Variants in TRPV5 observed in about 807,000 individuals in gnomAD.
TRPV5 encodes the protein calcium transport protein 2.
In TRPV5, 66 loss-of-function variants were observed where a neutral mutation model predicts 74.1. The observed-to-expected ratio is 0.89, with a 90% CI of 0.73 to 1.09. The LOEUF (loss-of-function observed/expected upper bound fraction) is 1.09, where lower values mean the gene tolerates loss of function less well. Ranked by LOEUF, TRPV5 falls within the 50% of genes least tolerant of loss-of-function variation. The probability of loss-of-function intolerance (pLI) is 0.00; values close to 1 mark genes in which losing one functional copy is unlikely to be tolerated. For synonymous variants in TRPV5, 399 were observed against 360.7 expected (o/e 1.11, Z -1.20); for missense variants, 936 against 930.4 (o/e 1.01, Z -0.08).
chr7:142,928,369 C>T, intron 6 of TRPV5, 135 bp from the exon 7 acceptor site: 1 of 983,296 alleles, frequency 1.0e-6, no homozygotes, highest in Non-Finnish European at 1.5e-6. Context: ...TCTGCATCTA[C>T]AAGCTTTCCC....
In TRPV5 at chr7:142,929,054, T is replaced by C. The variant is rs1424328661; in HGVS notation, c.554A>G (p.His185Arg). 1.2e-6 allele frequency: 2 copies of C among 1,613,980 alleles called. No homozygotes were observed. Among genetic ancestry groups the C allele is most frequent in the Non-Finnish European group, 1.7e-6 (2 of 1,180,012 alleles). ...GTCCTGGGCCCTGATGTCAGCTCCA[T>C]GCTCAATGAGCAGCCGCACGATCTC... Reference protein sequence around the residue: ...SEEIVRLLIEHGADIRAQDSL... With the variant: ...SEEIVRLLIERGADIRAQDSL... Residue 185 changes from histidine (H) to arginine (R), a missense_variant, in exon 5 of 15, where the codon CAT becomes CGT. Coordinates refer to ENST00000265310, the MANE Select transcript of TRPV5 (RefSeq NM_019841.7).
In TRPV5 at chr7:142,908,652, T is replaced by C. The variant is rs1457462023; in HGVS notation, c.2052A>G (p.Pro684=). 2 of 1,614,180 alleles carry C rather than the reference T, an allele frequency of 1.2e-6. No individual in the cohort carries two copies. Among genetic ancestry groups the C allele is most frequent in the East Asian group, 2.2e-5 (1 of 44,864 alleles). The change falls in exon 15 of 15, where the codon CCA becomes CCG. Residue 684 remains proline, a synonymous_variant. Coordinates refer to ENST00000265310, the MANE Select transcript of TRPV5 (RefSeq NM_019841.7). ...GTLARASLAL[P]TSSLSRTASQ... is the part of the protein sequence containing the mutation. Reference sequence around the variant, plus strand: ...ACGCGGTCCGGGACAGGGAGGAAGTTGGAAGAGCCAAAGAGGCTCTGGCTA... The same window carrying C: ...ACGCGGTCCGGGACAGGGAGGAAGTCGGAAGAGCCAAAGAGGCTCTGGCTA...
Position 142,908,738 on chromosome 7 carries a change from T to C in TRPV5, c.1966A>G (p.Lys656Glu), listed in dbSNP as rs1418121081. 2 of 1,614,140 alleles carry C rather than the reference T, an allele frequency of 1.2e-6. No individual in the cohort carries two copies. Among genetic ancestry groups the C allele is most frequent in the Non-Finnish European group, 1.7e-6 (2 of 1,180,036 alleles). The change falls in exon 15 of 15, where the codon AAG (lysine) becomes GAG (glutamate). Residue 656 changes from lysine to glutamate, a missense_variant. Lys to Glu is a moderately conservative substitution (Grantham distance 56). Coordinates refer to ENST00000265310, the MANE Select transcript of TRPV5 (RefSeq NM_019841.7). ...GATGGATGCTCCTGGTCATCCTCCT[T>C]GTCTGAGTTCTTGAACACTTCCACA... ...RYVEVFKNSD[K>E]EDDQEHPSEK...
intron 8 of TRPV5, among the ~76,000 whole-genome samples, chr7:142,924,294 A>G (rs890628266): frequency 1.3e-4 from 10 of 76,264 alleles, no homozygotes; most frequent in Non-Finnish European, 2.8e-4. Context: ...ATACATGTAT[A>G]TATATACATA....
chr7:142,929,448 G>A lies in TRPV5; in HGVS notation c.467C>T (p.Pro156Leu), dbSNP rs146027584. The change falls in exon 4 of 15, where the codon CCC (proline) becomes CTC (leucine). Residue 156 changes from proline to leucine, a missense_variant. By Grantham distance (98) the Pro-to-Leu change is moderately conservative (BLOSUM62 -3). Coordinates refer to ENST00000265310, the MANE Select transcript of TRPV5 (RefSeq NM_019841.7). ...CTCACCAAAGTAGATGAGGTTGCGG[G>A]GACTATGGCGGAAGGCAGTGCCTGT... is the stretch of plus-strand genomic sequence containing the variant. ...RATGTAFRHS[P>L]RNLIYFGEHP... The A allele has an allele frequency of 2.5e-5, 41 of 1,614,116 alleles. No homozygotes were observed. Among genetic ancestry groups the A allele is most frequent in the African/African-American group, 1.9e-4 (14 of 75,028 alleles).
rs371097081 is a variant in TRPV5, at chr7:142,908,506, G to A, written c.*8C>T. On this transcript the variant is annotated 3_prime_UTR_variant, in exon 15 of 15. Transcript: ENST00000265310. ...CGGGAGTAAGGTCAAGAGTGATAGC[G>A]ATGTTAATCAAAAATGGTAGACCTC... 9.9e-6 allele frequency: 16 copies of A among 1,613,508 alleles called. No individual in the cohort carries two copies. The highest frequency in any genetic ancestry group is 6.7e-5 in the African/African-American group (5 of 74,918).
At position 142,933,574 on chromosome 7, in the gene TRPV5, T is replaced by C; in HGVS notation, c.-115A>G. ...ATTTGGGGCTGGGACTCTGAGTTTA[T>C]CTCCTGTATGACTTGTGTATGCAGC... On this transcript the variant is annotated 5_prime_UTR_variant, in exon 1 of 15. Coordinates refer to ENST00000265310, the MANE Select transcript of TRPV5 (RefSeq NM_019841.7). 2.1e-6 allele frequency: 3 copies of C among 1,407,666 alleles called. No homozygotes were observed. Among genetic ancestry groups the C allele is most frequent in the South Asian group, 1.4e-5 (1 of 73,876 alleles). The allele number at this position is 1,407,666 out of a possible 1,614,324, so 87.2% of individuals were successfully genotyped here.
chr7:142,918,197 T>G (rs1453722626), intron 8 of TRPV5, among the ~76,000 whole-genome samples: 1 of 152,248 alleles, frequency 6.6e-6, no homozygotes, highest in East Asian at 1.9e-4. Flanking sequence ...TTTAAAAATT[T>G]TATTCTTTGG....
rs897837829 is a variant in TRPV5 at position 142,912,744 on chromosome 7, T to C, written c.1526A>G (p.Tyr509Cys). ...VVILGFASAF[Y>C]IIFQTEDPTS... is the part of the protein sequence containing the mutation. ...TGGGTCCTCTGTCTGGAAAATGATA[T>C]AGAACGCTGCTCCGCCCAGGAAGAG... The change falls in exon 13 of 15, where the codon TAT becomes TGT. Residue 509 changes from tyrosine to cysteine, a missense_variant. Transcript: ENST00000265310. The C allele has an allele frequency of 2.5e-6, 4 of 1,613,522 alleles. No homozygotes were observed. The highest frequency in any genetic ancestry group is 4.5e-5 in the East Asian group (2 of 44,878).
In TRPV5 at chr7:142,930,346, C is replaced by T. The variant is rs1205206442; in HGVS notation, c.226+3G>A. 2 of 1,613,892 alleles carry T rather than the reference C, an allele frequency of 1.2e-6. No homozygotes were observed. Among genetic ancestry groups the T allele is most frequent in the Admixed American group, 1.7e-5 (1 of 60,008 alleles). ...CCTCCATCCCATTAAATCCAGATCC[C>T]ACCTCTTTGTCGAACGTCACAGGTG... On this transcript the variant is annotated splice_donor_region_variant and intron_variant, in intron 2 of 14. Coordinates refer to ENST00000265310, the MANE Select transcript of TRPV5 (RefSeq NM_019841.7).
At chr7:142,931,345 G>T (rs4252394) in intron 1 of TRPV5, among the ~76,000 whole-genome samples, 2 of 152,060 alleles carry the variant, frequency 1.3e-5, no homozygotes, top group South Asian at 2.1e-4. Flanking sequence ...GTCCCTGCAG[G>T]GGGTGGAGAG....
chr7:142,930,822 G>A (rs1203898043), intron 1 of TRPV5, among the ~76,000 whole-genome samples: 1 of 152,164 alleles, frequency 6.6e-6, no homozygotes, highest in East Asian at 1.9e-4. Flanking sequence ...GATAGTTGGA[G>A]AGCGGGACAG....
intron 12 of TRPV5, 86 bp downstream of exon 12, chr7:142,914,554 C>G: frequency 8.7e-7 from 1 of 1,152,786 alleles, no homozygotes; most frequent in South Asian, 1.4e-5. Flanking sequence ...AAATGAAGTG[C>G]AAATGAGAAC....
rs1164923497 is a variant in TRPV5 at position 142,908,740 on chromosome 7, T to A, written c.1964A>T (p.Asp655Val). 2 of 1,614,040 alleles carry A rather than the reference T, an allele frequency of 1.2e-6. No homozygotes were observed. Among genetic ancestry groups the A allele is most frequent in the African/African-American group, 2.7e-5 (2 of 74,928 alleles). Residue 655 changes from aspartate to valine, a missense_variant, in exon 15 of 15, where the codon GAC becomes GTC. By Grantham distance (152) the Asp-to-Val change is radical. Coordinates refer to ENST00000265310, the MANE Select transcript of TRPV5 (RefSeq NM_019841.7). The stretch of plus-strand genomic sequence containing the variant: ...TGGATGCTCCTGGTCATCCTCCTTG[T>A]CTGAGTTCTTGAACACTTCCACATA... ...LRYVEVFKNS[D>V]KEDDQEHPSE...
intron 8 of TRPV5, among the ~76,000 whole-genome samples, chr7:142,919,468 A>G (rs1223912753): frequency 6.6e-6 from 1 of 152,198 alleles, no homozygotes; most frequent in East Asian, 1.9e-4. Flanking sequence ...CCTAAGAGGA[A>G]AAGAATGACA....
Position 142,924,170 on chromosome 7 carries a change from G to A in TRPV5, c.1122+1359C>T, listed in dbSNP as rs138217445. Among the ~76,000 whole-genome samples, 425 of 149,282 alleles carry A rather than the reference G, an allele frequency of 2.8e-3. 1 individual carries two copies. Among genetic ancestry groups the A allele is most frequent in the African/African-American group, 9.7e-3 (393 of 40,428 alleles). Reference sequence around the variant, plus strand: ...CATTCAGGCTTGTCCTCCCCAGGCAGCAAGACCTACTTGGTGAGAGGCAGT... The same window carrying A: ...CATTCAGGCTTGTCCTCCCCAGGCAACAAGACCTACTTGGTGAGAGGCAGT... On this transcript the variant is annotated intron_variant, in intron 8 of 14. Transcript: ENST00000265310.
chr7:142,927,358 G>A (rs574576147), intron 7 of TRPV5, among the ~76,000 whole-genome samples: 7 of 152,310 alleles, frequency 4.6e-5, no homozygotes, highest in African/African-American at 1.4e-4. Context: ...TTTCTGTACT[G>A]TTTGTTTCTT....
intron 8 of TRPV5, among the ~76,000 whole-genome samples, chr7:142,920,677 T>G (rs937733390): frequency 6.6e-6 from 1 of 152,232 alleles, no homozygotes; most frequent in Non-Finnish European, 1.5e-5. Context: ...CTTTGCCAAA[T>G]TATTCAACCT....
chr7:142,914,869 G>C lies in TRPV5; in HGVS notation c.1452+12C>G. The C allele has an allele frequency of 6.2e-7, 1 of 1,613,932 alleles. No homozygotes were observed. Among genetic ancestry groups the C allele is most frequent in the East Asian group, 2.2e-5 (1 of 44,874 alleles). The stretch of plus-strand genomic sequence containing the variant: ...GTGCCTGAGGCGGAGGAAGCTTCGG[G>C]AAAGCACTGACCTTCTGGATCATGA... On this transcript the variant is annotated intron_variant, in intron 11 of 14. Transcript: ENST00000265310.
Sources: allele counts gnomAD v4.1 joint callset (sites outside exome capture counted in the v4.1 genomes callset), GRCh38; gene constraint gnomAD v4.1.1; transcripts MANE v1.5; gene names NCBI Gene and HGNC (gene_info 2026-07-23, HGNC 2026-07-21).